Variants in ODAD2 observed in about 807,000 individuals in gnomAD.
ODAD2 encodes outer dynein arm-docking complex subunit 2.
Under a neutral mutation model 106.8 loss-of-function variants are expected in ODAD2, and 89 were observed. The observed-to-expected ratio is 0.83, with a 90% CI of 0.70 to 0.99. The LOEUF (loss-of-function observed/expected upper bound fraction) is 0.99. Among genes scored for constraint, ODAD2 ranks in the 50% least tolerant of loss-of-function variants. The pLI, the probability that ODAD2 is intolerant of heterozygous loss-of-function variation, is 0.00. For missense variants in ODAD2, 1,168 were observed against 1,238.5 expected (o/e 0.94, Z 0.85); for synonymous variants, 404 against 436.2 (o/e 0.93, Z 0.92).
At chr10:27,914,231 A>G (rs78115355) in intron 16 of ODAD2, among the ~76,000 whole-genome samples, 3,194 of 152,204 alleles carry the variant, frequency 0.021, 84 homozygotes, top group African/African-American at 0.064. Flanking sequence ...GAGGCACAAA[A>G]TATCTAGTTG....
chr10:27,916,198 G>A (rs1049328767), intron 16 of ODAD2, among the ~76,000 whole-genome samples: 2 of 152,074 alleles, frequency 1.3e-5, no homozygotes, highest in African/African-American at 4.8e-5. Flanking sequence ...CAGCATGACA[G>A]GAGATCAAAA....
intron 19 of ODAD2, among the ~76,000 whole-genome samples, chr10:27,830,132 C>G (rs1837363929): frequency 6.6e-6 from 1 of 152,174 alleles, no homozygotes; most frequent in Non-Finnish European, 1.5e-5. Context: ...CCTTCTCCAA[C>G]TCCATGATAC....
chr10:27,821,621 T>C (rs796882490), intron 19 of ODAD2, among the ~76,000 whole-genome samples: 9 of 152,324 alleles, frequency 5.9e-5, no homozygotes, highest in African/African-American at 2.2e-4. Context: ...GCAGTTCGTG[T>C]TTTCAAATCA....
At chr10:27,963,670 A>G (rs1319008660) in intron 9 of ODAD2, among the ~76,000 whole-genome samples, 3 of 148,518 alleles carry the variant, frequency 2.0e-5, no homozygotes, top group Non-Finnish European at 1.5e-5. Context: ...AATTCCTCTC[A>G]TTCAGTGTGA....
intron 16 of ODAD2, among the ~76,000 whole-genome samples, chr10:27,920,339 C>T (rs577445720): frequency 7.9e-5 from 12 of 152,190 alleles, no homozygotes; most frequent in East Asian, 7.7e-4. Flanking sequence ...CACATATACA[C>T]GTATGCGCTC....
At chr10:27,815,917 C>T (rs1309208321) in intron 19 of ODAD2, among the ~76,000 whole-genome samples, 1 of 152,186 alleles carries the variant, frequency 6.6e-6, no homozygotes, top group African/African-American at 2.4e-5. Flanking sequence ...CCACCTCAAG[C>T]TTAATAGATT....
At chr10:27,875,236 T>G (rs1414109532) in intron 17 of ODAD2, among the ~76,000 whole-genome samples, 2 of 152,236 alleles carry the variant, frequency 1.3e-5, no homozygotes, top group East Asian at 3.8e-4. Flanking sequence ...CTACACTGGT[T>G]ATTCTAGTTA....
chr10:27,866,521 G>C (rs1339238859), intron 17 of ODAD2, among the ~76,000 whole-genome samples: 1 of 151,958 alleles, frequency 6.6e-6, no homozygotes, highest in Non-Finnish European at 1.5e-5. Context: ...TACTATGAAG[G>C]GATACTTTAT....
At chr10:27,911,955 T>C (rs1224061471) in intron 16 of ODAD2, among the ~76,000 whole-genome samples, 1 of 152,100 alleles carries the variant, frequency 6.6e-6, no homozygotes, top group Non-Finnish European at 1.5e-5. Context: ...ATCAAAAATC[T>C]CTCCCAACAC....
intron 17 of ODAD2, among the ~76,000 whole-genome samples, chr10:27,867,473 G>A (rs1840527933): frequency 6.6e-6 from 1 of 152,132 alleles, no homozygotes; most frequent in African/African-American, 2.4e-5. Flanking sequence ...ATTGAGCAAC[G>A]CAGAGACACT....
At chr10:27,898,016 G>A (rs1271055428) in intron 17 of ODAD2, among the ~76,000 whole-genome samples, 1 of 151,982 alleles carries the variant, frequency 6.6e-6, no homozygotes, top group Admixed American at 6.6e-5. Context: ...AATCTTTTAA[G>A]CCCAATAATA....
intron 9 of ODAD2, among the ~76,000 whole-genome samples, chr10:27,962,519 C>T (rs1432746423): frequency 6.6e-6 from 1 of 152,184 alleles, no homozygotes; most frequent in East Asian, 1.9e-4. Context: ...CACTGAAGTA[C>T]TTGCAAGGGC....
intron 9 of ODAD2, among the ~76,000 whole-genome samples, chr10:27,964,296 G>A (rs972974705): frequency 6.6e-6 from 1 of 152,118 alleles, no homozygotes; most frequent in African/African-American, 2.4e-5. Flanking sequence ...AGTTGTAATG[G>A]GAGCTGTTCA....
rs60344337 is a variant in ODAD2 at position 27,930,626 on chromosome 10, C to CAA, written c.2495+4382_2495+4383dup. Among the ~76,000 whole-genome samples the CAA allele has an allele frequency of 3.1e-3, 285 of 92,130 alleles. 1 individual carries two copies. The highest frequency in any genetic ancestry group is 8.2e-3 in the African/African-American group (213 of 25,826). The allele number at this position is 92,130 out of a possible 152,430, so 60.4% of individuals were successfully genotyped here. ...TAGGCGACAGAGCCAGACTCTGTCTCAAAAAAAAAAAAAAGAAAAAGAAAA... is the reference window on the plus strand; with the variant it reads ...TAGGCGACAGAGCCAGACTCTGTCTCAAAAAAAAAAAAAAAAGAAAAAGAAAA... On this transcript the variant is annotated intron_variant, in intron 16 of 19. Coordinates refer to ENST00000305242, the MANE Select transcript of ODAD2 (RefSeq NM_018076.5).
At chr10:27,962,677 A>G (rs1189539591) in intron 9 of ODAD2, among the ~76,000 whole-genome samples, 1 of 152,216 alleles carries the variant, frequency 6.6e-6, no homozygotes, top group Non-Finnish European at 1.5e-5. Flanking sequence ...GGACAACAGT[A>G]TTACAAGAGA....
intron 10 of ODAD2, among the ~76,000 whole-genome samples, chr10:27,951,091 A>G (rs12772470): frequency 0.38 from 57,881 of 151,984 alleles, 12,246 homozygotes; most frequent in Middle Eastern, 0.59. Flanking sequence ...GAAAAAAGCT[A>G]TTAAATATTA....
rs767834916 is a variant in ODAD2 at position 27,987,557 on chromosome 10, A to C, written c.225-14T>G. 1.3e-6 allele frequency: 2 copies of C among 1,594,878 alleles called. No homozygotes were observed. Among genetic ancestry groups the C allele is most frequent in the East Asian group, 4.5e-5 (2 of 44,536 alleles). ...ACTGTTGTTTCACTAAAAAATAAAAATAAAAAATTGAAAGCTTCATGCTAC... is the reference window on the plus strand; with the variant it reads ...ACTGTTGTTTCACTAAAAAATAAAACTAAAAAATTGAAAGCTTCATGCTAC... On this transcript the variant is annotated splice_polypyrimidine_tract_variant and intron_variant, in intron 2 of 19. Coordinates refer to ENST00000305242, the MANE Select transcript of ODAD2 (RefSeq NM_018076.5).
intron 19 of ODAD2, among the ~76,000 whole-genome samples, chr10:27,850,444 CAAAAAAAAAA>C (rs10713871): frequency 5.6e-5 from 5 of 89,582 alleles, no homozygotes; most frequent in Non-Finnish European, 1.1e-4. Flanking sequence ...GACTCCGTCT[CAAAAAAAAAA>C]AAAAAAAAAA....
chr10:27,915,079 G>A (rs1028789984), intron 16 of ODAD2, among the ~76,000 whole-genome samples: 1 of 151,952 alleles, frequency 6.6e-6, no homozygotes, highest in Non-Finnish European at 1.5e-5. Context: ...TTAATCCATA[G>A]GTCCAAGAAG....
Sources: allele counts gnomAD v4.1 joint callset (sites outside exome capture counted in the v4.1 genomes callset), GRCh38; gene constraint gnomAD v4.1.1; transcripts MANE v1.5; gene names NCBI Gene and HGNC (gene_info 2026-07-23, HGNC 2026-07-21).